Variants in LRRC4C observed in about 807,000 individuals in gnomAD.
LRRC4C encodes leucine-rich repeat-containing protein 4C.
In LRRC4C, 5 loss-of-function variants were observed where a neutral mutation model predicts 33.6. The observed-to-expected ratio is 0.15, with a 90% CI of 0.08 to 0.31. LRRC4C has a LOEUF of 0.31. Ranked by LOEUF, LRRC4C falls within the 10% of genes least tolerant of loss-of-function variation. The pLI is 1.00. For missense variants in LRRC4C, 560 were observed against 796.7 expected, an observed-to-expected ratio of 0.70 and a Z score of 3.58; for synonymous variants, 329 against 302.0, an observed-to-expected ratio of 1.09 and a Z score of -0.93.
At position 41,413,290 on chromosome 11, in the gene LRRC4C, CACT is replaced by C. The variant is rs1954560429; in HGVS notation, c.-496+46138_-496+46140del. ...GCTTAGATTCAATTATCCTTCCACT[CACT>C]GAAACCACCATGTGGTTTTACTTTT... On this transcript the variant is annotated intron_variant, in intron 1 of 6. Coordinates refer to ENST00000528697, the MANE Select transcript of LRRC4C (RefSeq NM_001258419.2). Among the ~76,000 whole-genome samples the C allele has an allele frequency of 1.3e-5, 2 of 152,126 alleles. 1 individual carries two copies. Among genetic ancestry groups the C allele is most frequent in the Admixed American group, 1.3e-4 (2 of 15,276 alleles).
At chr11:41,026,282 T>G (rs1225165499) in intron 1 of LRRC4C, among the ~76,000 whole-genome samples, 1 of 151,656 alleles carries the variant, frequency 6.6e-6, no homozygotes, top group Non-Finnish European at 1.5e-5. Flanking sequence ...AAGACGTTCA[T>G]TCCAACCATT....
At chr11:41,360,944 A>G (rs192241974) in intron 1 of LRRC4C, among the ~76,000 whole-genome samples, 75 of 152,356 alleles carry the variant, frequency 4.9e-4, no homozygotes, top group African/African-American at 1.8e-3. Flanking sequence ...GATCACCGTA[A>G]TGCTAGGCAT....
chr11:41,248,683 T>C (rs1948532379), intron 1 of LRRC4C, among the ~76,000 whole-genome samples: 1 of 150,796 alleles, frequency 6.6e-6, no homozygotes, highest in South Asian at 2.2e-4. Flanking sequence ...ATGACTTTAA[T>C]TTTCATTCAT....
intron 1 of LRRC4C, among the ~76,000 whole-genome samples, chr11:41,454,990 C>T (rs1263643423): frequency 6.6e-6 from 1 of 152,024 alleles, no homozygotes; most frequent in Non-Finnish European, 1.5e-5. Context: ...TTGCTTATAA[C>T]TGATTGTCCC....
At chr11:41,263,499 C>T (rs1278280466) in intron 1 of LRRC4C, among the ~76,000 whole-genome samples, 1 of 152,038 alleles carries the variant, frequency 6.6e-6, no homozygotes, top group Non-Finnish European at 1.5e-5. Flanking sequence ...CACCCGCAGT[C>T]TTGGTTTGGG....
At chr11:41,034,316 G>A (rs1475516638) in intron 1 of LRRC4C, among the ~76,000 whole-genome samples, 3 of 151,252 alleles carry the variant, frequency 2.0e-5, no homozygotes, top group African/African-American at 2.4e-5. Context: ...ATAGTGATAC[G>A]CGTGCTCTTG....
At chr11:40,646,808 G>A (rs1367196306) in intron 3 of LRRC4C, among the ~76,000 whole-genome samples, 4 of 152,092 alleles carry the variant, frequency 2.6e-5, no homozygotes, top group East Asian at 3.9e-4. Context: ...AGGTTTCACC[G>A]TGTTAGCCAG....
chr11:40,425,388 A>T (rs1950673454), intron 3 of LRRC4C, among the ~76,000 whole-genome samples: 1 of 152,164 alleles, frequency 6.6e-6, no homozygotes, highest in Non-Finnish European at 1.5e-5. Flanking sequence ...ATAGAAAGGG[A>T]TGAGGTATTT....
rs561224164 is a variant in LRRC4C, at chr11:40,580,724, A to G, written c.-270+67418T>C. Among the ~76,000 whole-genome samples, 92 of 152,336 alleles carry G rather than the reference A, an allele frequency of 6.0e-4. 1 individual carries two copies. In the Middle Eastern group the frequency reaches 0.01, roughly 17 times the overall value. On this transcript the variant is annotated intron_variant, in intron 3 of 6. Coordinates refer to ENST00000528697, the MANE Select transcript of LRRC4C (RefSeq NM_001258419.2). ...TCAGGAATAGCTCATTACTTGAAAA[A>G]GAATTGCTGGTGATGAAATTTAAGG...
At chr11:41,152,277 T>C (rs552599155) in intron 1 of LRRC4C, among the ~76,000 whole-genome samples, 1 of 152,332 alleles carries the variant, frequency 6.6e-6, no homozygotes, top group South Asian at 2.1e-4. Context: ...CTCACAGAAG[T>C]AAGCTGACTT....
intron 2 of LRRC4C, among the ~76,000 whole-genome samples, chr11:40,715,171 C>G (rs1398224341): frequency 2.0e-5 from 3 of 152,122 alleles, no homozygotes; most frequent in Non-Finnish European, 4.4e-5. Flanking sequence ...ATATGCTACT[C>G]TCAGACTATT....
chr11:41,176,095 G>A (rs937316251), intron 1 of LRRC4C, among the ~76,000 whole-genome samples: 1 of 152,018 alleles, frequency 6.6e-6, no homozygotes, highest in East Asian at 1.9e-4. Context: ...AGTCATTATA[G>A]CAGTGACTGC....
chr11:41,409,943 T>C (rs927349499), intron 1 of LRRC4C, among the ~76,000 whole-genome samples: 5 of 152,168 alleles, frequency 3.3e-5, no homozygotes, highest in African/African-American at 9.7e-5. Flanking sequence ...TCCATCATCC[T>C]AATGAGAGAA....
intron 1 of LRRC4C, among the ~76,000 whole-genome samples, chr11:41,214,758 A>AATATATAT (rs549204182): frequency 3.5e-5 from 5 of 141,304 alleles, no homozygotes; most frequent in African/African-American, 1.1e-4. Context: ...TCAAAAATAA[A>AATATATAT]ATATATATAT....
At chr11:41,202,704 C>T (rs772667872) in intron 1 of LRRC4C, among the ~76,000 whole-genome samples, 3 of 151,980 alleles carry the variant, frequency 2.0e-5, no homozygotes, top group Non-Finnish European at 4.4e-5. Flanking sequence ...TTTTGAAGTG[C>T]CAAGTTCATG....
intron 1 of LRRC4C, among the ~76,000 whole-genome samples, chr11:41,334,464 G>A (rs1390609672): frequency 2.6e-5 from 4 of 152,014 alleles, no homozygotes; most frequent in Admixed American, 2.0e-4. Flanking sequence ...AACTGATTAA[G>A]TACTTGATTT....
At chr11:41,314,641 G>A (rs1461109549) in intron 1 of LRRC4C, among the ~76,000 whole-genome samples, 1 of 152,100 alleles carries the variant, frequency 6.6e-6, no homozygotes, top group Admixed American at 6.5e-5. Flanking sequence ...ACACACCAGG[G>A]CCTGTCAGGG....
chr11:40,545,643 G>A (rs1956883005), intron 3 of LRRC4C, among the ~76,000 whole-genome samples: 1 of 151,898 alleles, frequency 6.6e-6, no homozygotes, highest in African/African-American at 2.4e-5. Context: ...CACATATTAA[G>A]TATAAACAAG....
intron 1 of LRRC4C, among the ~76,000 whole-genome samples, chr11:41,361,647 A>T (rs1338416999): frequency 2.0e-5 from 3 of 152,244 alleles, no homozygotes; most frequent in Admixed American, 6.5e-5. Context: ...ATATCAATGC[A>T]TAGCTAAAAT....
Sources: gnomAD v4.1 joint callset for allele counts (sites outside exome capture counted in the v4.1 genomes callset) on GRCh38, gnomAD v4.1.1 for gene constraint, MANE v1.5 for transcripts, NCBI Gene and HGNC (gene_info 2026-07-23, HGNC 2026-07-21) for gene names.